The following PPP3R1 variants were observed in gnomAD, a reference collection of about 807,000 sequenced individuals.
PPP3R1 encodes calcineurin subunit B type 1.
PPP3R1 carries 5 observed loss-of-function variants against 22.6 expected under a neutral mutation model. The ratio of observed to expected loss-of-function variants is 0.22; its 90% CI spans 0.12 to 0.46. The LOEUF (loss-of-function observed/expected upper bound fraction) is 0.46. Ranked by LOEUF, PPP3R1 falls within the 20% of genes least tolerant of loss-of-function variation. PPP3R1 has a pLI of 0.99. For synonymous variants in PPP3R1, 56 were observed against 65.2 expected, an observed-to-expected ratio of 0.86 and a Z score of 0.68; for missense variants, 61 against 203.2, an observed-to-expected ratio of 0.30 and a Z score of 4.25.
In PPP3R1 at chr2:68,179,170, A is replaced by G. The variant is rs2103707031; in HGVS notation, c.*1793T>C. On this transcript the variant is annotated 3_prime_UTR_variant, in exon 6 of 6. Transcript: ENST00000234310. The stretch of plus-strand genomic sequence containing the variant: ...ATGTACAAAAAATTCACAAAAGGCT[A>G]GTTCCCCCTTGAAGCAGAGCACATG... 6.5e-6 allele frequency: 1 copy of G among 152,784 alleles called. No homozygotes were observed. The highest frequency in any genetic ancestry group is 2.1e-4 in the South Asian group (1 of 4,830). 9.5% of individuals were successfully genotyped at this position (152,784 alleles called of 1,614,324 possible).
intron 1 of PPP3R1, among the ~76,000 whole-genome samples, chr2:68,220,530 T>C (rs1466112182): frequency 6.6e-6 from 1 of 152,236 alleles, no homozygotes; most frequent in East Asian, 1.9e-4. Flanking sequence ...TAAAGGCTGT[T>C]CTTTACTTAC....
chr2:68,209,337 C>A (rs539652699), intron 2 of PPP3R1, among the ~76,000 whole-genome samples: 1 of 100,054 alleles, frequency 1.0e-5, no homozygotes, highest in Non-Finnish European at 1.8e-5. Flanking sequence ...CCAGCCTGGG[C>A]GACAGAGCGA....
chr2:68,217,577 A>G (rs1212205484), intron 1 of PPP3R1, among the ~76,000 whole-genome samples: 1 of 152,156 alleles, frequency 6.6e-6, no homozygotes, highest in Non-Finnish European at 1.5e-5. Flanking sequence ...ACAAAAAAAC[A>G]GAAACCTGCT....
intron 4 of PPP3R1, among the ~76,000 whole-genome samples, chr2:68,186,926 C>A (rs1674559042): frequency 6.6e-6 from 1 of 152,188 alleles, no homozygotes; most frequent in Non-Finnish European, 1.5e-5. Context: ...GATATAGTAA[C>A]AACTCCAACC....
intron 1 of PPP3R1, among the ~76,000 whole-genome samples, chr2:68,223,994 C>G (rs1669736857): frequency 6.6e-6 from 1 of 152,092 alleles, no homozygotes; most frequent in East Asian, 1.9e-4. Flanking sequence ...ATTTCATATT[C>G]TGGAAACATG....
chr2:68,216,519 A>G (rs10191980), intron 2 of PPP3R1, among the ~76,000 whole-genome samples: 113,347 of 152,036 alleles, frequency 0.75, 43,307 homozygotes, highest in African/African-American at 0.93. Context: ...TGCCTTGTCC[A>G]TCTCTTCTTC....
chr2:68,221,787 A>G (rs1669692536), intron 1 of PPP3R1, among the ~76,000 whole-genome samples: 2 of 152,078 alleles, frequency 1.3e-5, no homozygotes, highest in African/African-American at 4.8e-5. Flanking sequence ...TTACTACAGC[A>G]TATTTCTCCT....
Position 68,224,237 on chromosome 2 carries a change from T to C in PPP3R1, c.4-7106A>G, listed in dbSNP as rs78811251. Among the ~76,000 whole-genome samples, 167 of 152,150 alleles carry C rather than the reference T, an allele frequency of 1.1e-3. 4 individuals are homozygous for C. The East Asian group carries it at 0.028, about 25-fold the overall frequency. On this transcript the variant is annotated intron_variant, in intron 1 of 5. Transcript: ENST00000234310. ...ATATAGAAGACAATCCTAATAAAAATCCCAGCAGAATATTTTATAGAAATC... is the reference window on the plus strand; with the variant it reads ...ATATAGAAGACAATCCTAATAAAAACCCCAGCAGAATATTTTATAGAAATC...
At chr2:68,204,337 T>TATGTATATATATTCTG (rs1558633046) in intron 2 of PPP3R1, among the ~76,000 whole-genome samples, 21 of 39,624 alleles carry the variant, frequency 5.3e-4, no homozygotes, top group Non-Finnish European at 8.9e-4. Context: ...ACACACACAC[T>TATGTATATATATTCTG]ATATATATAT....
chr2:68,235,628 T>G (rs530310933), intron 1 of PPP3R1, among the ~76,000 whole-genome samples: 1 of 152,338 alleles, frequency 6.6e-6, no homozygotes, highest in East Asian at 1.9e-4. Context: ...ACTGTTTCCA[T>G]TTTTGGCCAT....
chr2:68,217,037 C>CGA, intron 2 of PPP3R1, 55 bp downstream of exon 2: 1 of 1,279,950 alleles, frequency 7.8e-7, no homozygotes, highest in Non-Finnish European at 1.1e-6. Context: ...CACACACACA[C>CGA]ACAGAGAGAG....
intron 1 of PPP3R1, among the ~76,000 whole-genome samples, chr2:68,250,527 A>G (rs1670327427): frequency 6.6e-6 from 1 of 152,258 alleles, no homozygotes; most frequent in East Asian, 1.9e-4. Flanking sequence ...CTGACCTTCA[A>G]GTAAAGCATG....
chr2:68,189,395 G>C (rs918546549), intron 2 of PPP3R1, among the ~76,000 whole-genome samples: 1 of 152,134 alleles, frequency 6.6e-6, no homozygotes, highest in African/African-American at 2.4e-5. Flanking sequence ...GTTTACATTA[G>C]TTTGTAAGTA....
intron 1 of PPP3R1, among the ~76,000 whole-genome samples, chr2:68,237,973 T>C (rs1019104057): frequency 1.3e-5 from 2 of 152,184 alleles, no homozygotes; most frequent in African/African-American, 4.8e-5. Flanking sequence ...CAACCTGACA[T>C]ATAAGTCTCT....
Position 68,188,769 on chromosome 2 carries a change from T to TA in PPP3R1, c.44-80dup, listed in dbSNP as rs1043462749. On this transcript the variant is annotated intron_variant, in intron 2 of 5. Transcript: ENST00000234310. The stretch of plus-strand genomic sequence containing the variant: ...TTTCTAATGGGCAGTAGCAAGATTT[T>TA]AAAAAAAATTTTAATAGTTATAGGG... The TA allele has an allele frequency of 6.7e-5, 89 of 1,319,286 alleles. No individual in the cohort carries two copies. The East Asian group carries it at 1.8e-3, about 26-fold the overall frequency. The allele number at this position is 1,319,286 out of a possible 1,614,324, so 81.7% of individuals were successfully genotyped here.
chr2:68,240,722 G>C (rs1282258165), intron 1 of PPP3R1, among the ~76,000 whole-genome samples: 2 of 152,226 alleles, frequency 1.3e-5, no homozygotes, highest in African/African-American at 2.4e-5. Flanking sequence ...AGGCCAAGTG[G>C]CTAGAGCACA....
At chr2:68,199,544 G>A (rs1249244706) in intron 2 of PPP3R1, among the ~76,000 whole-genome samples, 4 of 152,076 alleles carry the variant, frequency 2.6e-5, no homozygotes, top group Non-Finnish European at 1.5e-5. Context: ...CCCAATCTTA[G>A]GTAGAAACGA....
intron 1 of PPP3R1, chr2:68,251,248 T>C (rs1258347986): frequency 6.6e-6 from 1 of 152,112 alleles, no homozygotes; most frequent in Non-Finnish European, 1.5e-5. Flanking sequence ...ACCCCTAGCG[T>C]CGGTCTGAAA....
chr2:68,236,029 G>A (rs770046244), intron 1 of PPP3R1, among the ~76,000 whole-genome samples: 1 of 152,082 alleles, frequency 6.6e-6, no homozygotes, highest in African/African-American at 2.4e-5. Context: ...CTTTTAAATT[G>A]AGTTGTCTTT....
Sources: gnomAD v4.1 joint callset for allele counts (sites outside exome capture counted in the v4.1 genomes callset) on GRCh38, gnomAD v4.1.1 for gene constraint, MANE v1.5 for transcripts, NCBI Gene and HGNC (gene_info 2026-07-23, HGNC 2026-07-21) for gene names.